The following RALGAPA2 variants were observed in gnomAD, a reference collection of about 807,000 sequenced individuals.
The protein encoded by RALGAPA2 is Ral GTPase activating protein catalytic subunit alpha 2.
Under a neutral mutation model 230.4 loss-of-function variants are expected in RALGAPA2, and 139 were observed. The ratio of observed to expected loss-of-function variants is 0.60; its 90% CI spans 0.53 to 0.69. The LOEUF is 0.69. Among genes scored for constraint, RALGAPA2 ranks in the 30% least tolerant of loss-of-function variants. The probability of loss-of-function intolerance (pLI) is 0.00; values close to 1 mark genes in which losing one functional copy is unlikely to be tolerated. For synonymous variants in RALGAPA2, 847 were observed against 837.8 expected (o/e 1.01, Z -0.19); for missense variants, 2,163 against 2,276.0 (o/e 0.95, Z 1.01).
chr20:20,605,283 T>C lies in RALGAPA2; in HGVS notation c.1930A>G (p.Met644Val), dbSNP rs1408935397. ...EELINEWANI[M>V]DSLTAVLART... The stretch of plus-strand genomic sequence containing the variant: ...GCAAGCACTGCTGTCAAGGAGTCCA[T>C]AATGTTGGCCCACTCGTTTATAAGT... The change falls in exon 15 of 40, where the codon ATG becomes GTG. Residue 644 changes from methionine (M) to valine (V), a missense_variant. Transcript: ENST00000202677. 1 of 1,613,844 alleles carries C rather than the reference T, an allele frequency of 6.2e-7. No homozygotes were observed. The highest frequency in any genetic ancestry group is 8.5e-7 in the Non-Finnish European group (1 of 1,179,836).
intron 30 of RALGAPA2, among the ~76,000 whole-genome samples, chr20:20,523,273 C>A (rs1170652942): frequency 2.0e-5 from 3 of 152,134 alleles, no homozygotes; most frequent in Non-Finnish European, 4.4e-5. Context: ...AATGCCACAC[C>A]TAGTCATCAG....
At chr20:20,635,765 A>G in intron 8 of RALGAPA2, 148 bp from the exon 9 acceptor site, 1 of 646,062 alleles carries the variant, frequency 1.5e-6, no homozygotes, top group African/African-American at 1.9e-5. Flanking sequence ...TTAAAATGGC[A>G]TTTTTTTGGT....
chr20:20,523,062 A>G (rs1192419743), intron 30 of RALGAPA2, among the ~76,000 whole-genome samples: 1 of 152,236 alleles, frequency 6.6e-6, no homozygotes, highest in Non-Finnish European at 1.5e-5. Flanking sequence ...AATACTTTTA[A>G]AAATAAGGCA....
intron 27 of RALGAPA2, among the ~76,000 whole-genome samples, chr20:20,530,774 A>T (rs2063348713): frequency 6.6e-6 from 1 of 152,098 alleles, no homozygotes; most frequent in African/African-American, 2.4e-5. Flanking sequence ...TAGAGCCTTG[A>T]ACAAGTTCCT....
At chr20:20,540,957 A>G (rs972985953) in intron 24 of RALGAPA2, among the ~76,000 whole-genome samples, 6 of 151,868 alleles carry the variant, frequency 4.0e-5, no homozygotes, top group African/African-American at 9.7e-5. Context: ...AAGAATCACT[A>G]TTTTGGTAAT....
rs149029447 is a variant in RALGAPA2 at position 20,390,311 on chromosome 20, C to T, written c.*2978G>A. ...TTCCCCAACATGTGGCTCTTAGGAA[C>T]CGCAGACTTTGTTGCTGAGGCAACC... On this transcript the variant is annotated 3_prime_UTR_variant, in exon 40 of 40. Coordinates refer to ENST00000202677, the MANE Select transcript of RALGAPA2 (RefSeq NM_020343.4). The T allele has an allele frequency of 9.8e-5, 15 of 152,364 alleles. No individual in the cohort carries two copies. The East Asian group carries it at 2.9e-3, about 29-fold the overall frequency. The allele number at this position is 152,364 out of a possible 1,614,324, so 9.4% of individuals were successfully genotyped here.
intron 23 of RALGAPA2, among the ~76,000 whole-genome samples, chr20:20,570,864 G>C (rs1001963721): frequency 6.6e-6 from 1 of 152,162 alleles, no homozygotes; most frequent in Non-Finnish European, 1.5e-5. Flanking sequence ...GTCTTCCCAA[G>C]GGAGGAAGGT....
chr20:20,532,817 A>G (rs1195592799), intron 26 of RALGAPA2, among the ~76,000 whole-genome samples: 1 of 152,194 alleles, frequency 6.6e-6, no homozygotes, highest in Admixed American at 6.5e-5. Context: ...AGGAGAGGTC[A>G]GCAAAAGGGA....
intron 23 of RALGAPA2, among the ~76,000 whole-genome samples, chr20:20,547,085 T>G (rs2063793514): frequency 6.6e-6 from 1 of 152,196 alleles, no homozygotes; most frequent in Non-Finnish European, 1.5e-5. Flanking sequence ...AGACTAGACA[T>G]TTCATCTGTC....
Position 20,661,864 on chromosome 20 carries a change from T to A in RALGAPA2, c.271-8277A>T, listed in dbSNP as rs566423250. 3.3e-5 allele frequency among the ~76,000 whole-genome samples: 5 copies of A among 152,314 alleles called. No homozygotes were observed. In the South Asian group the frequency reaches 1.0e-3, roughly 32 times the overall value. ...AAAGTATTAACAGGACAAAGGGAAT[T>A]ATTTCAAATAGGTTAAATATGTAAT... On this transcript the variant is annotated intron_variant, in intron 3 of 39. Coordinates refer to ENST00000202677, the MANE Select transcript of RALGAPA2 (RefSeq NM_020343.4).
At chr20:20,395,523 G>A (rs1199936003) in intron 39 of RALGAPA2, among the ~76,000 whole-genome samples, 2 of 152,230 alleles carry the variant, frequency 1.3e-5, no homozygotes, top group Non-Finnish European at 2.9e-5. Context: ...CAAATGCGAA[G>A]TTTTGCAGCA....
chr20:20,406,260 C>T (rs2059943953), intron 38 of RALGAPA2, among the ~76,000 whole-genome samples: 1 of 152,082 alleles, frequency 6.6e-6, no homozygotes, highest in Non-Finnish European at 1.5e-5. Flanking sequence ...GGTATCTTTA[C>T]AGCTTCACAG....
At chr20:20,531,531 G>A (rs1009406737) in intron 27 of RALGAPA2, among the ~76,000 whole-genome samples, 156 bp downstream of exon 27, 6 of 152,240 alleles carry the variant, frequency 3.9e-5, no homozygotes, top group Non-Finnish European at 8.8e-5. Context: ...GGGAGCATCC[G>A]TTGGTGCCCC....
chr20:20,661,207 G>A (rs1307140689), intron 3 of RALGAPA2, among the ~76,000 whole-genome samples: 1 of 152,074 alleles, frequency 6.6e-6, no homozygotes, highest in African/African-American at 2.4e-5. Flanking sequence ...TTCCCAGGCT[G>A]GAGAGCAATG....
At position 20,611,243 on chromosome 20, in the gene RALGAPA2, T is replaced by C. The variant is rs2065965352; in HGVS notation, c.1800+72A>G. ...TTAATATTATTTTTAAAATTCTCAA[T>C]GATTAAAACTAGTTTGCTACAAAAT... On this transcript the variant is annotated intron_variant, in intron 14 of 39. Coordinates refer to ENST00000202677, the MANE Select transcript of RALGAPA2 (RefSeq NM_020343.4). 2.7e-6 allele frequency: 4 copies of C among 1,479,270 alleles called. No individual in the cohort carries two copies. In the African/African-American group the frequency reaches 4.2e-5, roughly 16 times the overall value. The allele number at this position is 1,479,270 out of a possible 1,614,324, so 91.6% of individuals were successfully genotyped here.
chr20:20,431,088 C>G (rs556294944), intron 37 of RALGAPA2, among the ~76,000 whole-genome samples: 1 of 151,992 alleles, frequency 6.6e-6, no homozygotes, highest in Non-Finnish European at 1.5e-5. Context: ...TGGAGCGAGT[C>G]CCCCTGAAGC....
At chr20:20,641,962 G>C (rs547474149) in intron 5 of RALGAPA2, among the ~76,000 whole-genome samples, 54 of 151,740 alleles carry the variant, frequency 3.6e-4, no homozygotes, top group Non-Finnish European at 5.4e-4. Flanking sequence ...CCCCATTAAC[G>C]GGGTAAATTC....
At chr20:20,660,270 G>C (rs902355511) in intron 3 of RALGAPA2, among the ~76,000 whole-genome samples, 6 of 150,724 alleles carry the variant, frequency 4.0e-5, no homozygotes, top group Non-Finnish European at 8.8e-5. Flanking sequence ...TGATACCTTT[G>C]CCTCTGTGAG....
rs1439563691 is a variant in RALGAPA2, at chr20:20,483,164, TAA to T, written c.5368-10210_5368-10209del. Among the ~76,000 whole-genome samples the T allele has an allele frequency of 2.6e-5, 4 of 152,064 alleles. No individual in the cohort carries two copies. In the East Asian group the frequency reaches 5.8e-4, roughly 22 times the overall value. On this transcript the variant is annotated intron_variant, in intron 36 of 39. Coordinates refer to ENST00000202677, the MANE Select transcript of RALGAPA2 (RefSeq NM_020343.4). ...GTTAGGTGGCCAGAAACCAAAATGG[TAA>T]AGTCAGGTAGGAAAGAGTACATGTT...
Sources: allele counts gnomAD v4.1 joint callset (sites outside exome capture counted in the v4.1 genomes callset), GRCh38; gene constraint gnomAD v4.1.1; transcripts MANE v1.5; gene names NCBI Gene and HGNC (gene_info 2026-07-23, HGNC 2026-07-21).